Variants in HERC3 observed in about 807,000 individuals in gnomAD.
HERC3 encodes HECT and RLD domain containing E3 ubiquitin protein ligase 3, also known as probable E3 ubiquitin-protein ligase HERC3.
Under a neutral mutation model 129.9 loss-of-function variants are expected in HERC3, and 58 were observed. The observed-to-expected ratio is 0.45, with a 90% CI of 0.36 to 0.56. The LOEUF is 0.56. Among genes scored for constraint, HERC3 ranks in the 20% least tolerant of loss-of-function variants. The pLI, the probability that HERC3 is intolerant of heterozygous loss-of-function variation, is 0.00. For synonymous variants in HERC3, 430 were observed against 451.0 expected, an observed-to-expected ratio of 0.95 and a Z score of 0.59; for missense variants, 835 against 1,244.2, an observed-to-expected ratio of 0.67 and a Z score of 4.95.
At chr4:88,677,574 A>G (rs1732303432) in intron 18 of HERC3, among the ~76,000 whole-genome samples, 1 of 152,064 alleles carries the variant, frequency 6.6e-6, no homozygotes, top group African/African-American at 2.4e-5. Context: ...AGAAATGAAC[A>G]TTTTTCAAAG....
At chr4:88,679,136 C>A (rs1560754159) in intron 19 of HERC3, among the ~76,000 whole-genome samples, 1 of 152,160 alleles carries the variant, frequency 6.6e-6, no homozygotes, top group Non-Finnish European at 1.5e-5. Context: ...GATAATAGTA[C>A]CCTATGCATA....
chr4:88,701,639 G>A lies in HERC3; in HGVS notation c.2658-2459G>A, dbSNP rs28406134. Among the ~76,000 whole-genome samples the A allele has an allele frequency of 9.5e-3, 1,442 of 151,810 alleles. 20 individuals carry two copies. The highest frequency in any genetic ancestry group is 0.034 in the African/African-American group (1,392 of 41,342). On this transcript the variant is annotated intron_variant, in intron 23 of 25. Transcript: ENST00000402738. The stretch of plus-strand genomic sequence containing the variant: ...ATAAAAGAAAAAAATTACTGATACC[G>A]CTGTACATACCCTTAATTCCAAATT...
intron 10 of HERC3, among the ~76,000 whole-genome samples, chr4:88,658,877 T>A (rs531011858): frequency 6.6e-6 from 1 of 152,346 alleles, no homozygotes; most frequent in African/African-American, 2.4e-5. Context: ...CTTTGTTTGA[T>A]GTGATTGAGT....
chr4:88,689,912 G>A, intron 23 of HERC3: 1 of 764,988 alleles, frequency 1.3e-6, no homozygotes, highest in Non-Finnish European at 1.6e-6. Context: ...CTCGAAGCTA[G>A]TATGATCTCA....
Position 88,609,851 on chromosome 4 carries a change from A to G in HERC3, c.226+3802A>G, listed in dbSNP as rs143700258. ...AGGAATGAAAGAATGGCTACTCCAT[A>G]GACAGAGCCCTGAAGTCTGCTGATT... On this transcript the variant is annotated intron_variant, in intron 3 of 25. Coordinates refer to ENST00000402738, the MANE Select transcript of HERC3 (RefSeq NM_014606.3). Among the ~76,000 whole-genome samples the G allele has an allele frequency of 2.5e-3, 377 of 152,360 alleles. 1 individual carries two copies. Among genetic ancestry groups the G allele is most frequent in the African/African-American group, 8.0e-3 (331 of 41,592 alleles).
chr4:88,692,617 C>G (rs1400457760), intron 23 of HERC3, among the ~76,000 whole-genome samples: 3 of 152,160 alleles, frequency 2.0e-5, no homozygotes, highest in Non-Finnish European at 4.4e-5. Context: ...ACAGGAACTG[C>G]AGAATTAAAA....
the HERC3 span, among the ~76,000 whole-genome samples, chr4:88,548,355 T>A: frequency 6.6e-6 from 1 of 152,164 alleles, no homozygotes; most frequent in African/African-American, 2.4e-5. Flanking sequence ...TTTTGCAAGG[T>A]CTTGTTATTA....
intron 23 of HERC3, chr4:88,696,846 T>C (rs1374162741): frequency 1.9e-5 from 4 of 206,044 alleles, no homozygotes; most frequent in African/African-American, 2.3e-5. Flanking sequence ...GGGTGTTCCA[T>C]GTGTAGCGTA....
At chr4:88,570,932 A>AT in the HERC3 span, among the ~76,000 whole-genome samples, 11 of 142,082 alleles carry the variant, frequency 7.7e-5, no homozygotes, top group African/African-American at 3.0e-4. Context: ...TTTTTTTTGT[A>AT]TTTTTTTAGT....
At chr4:88,668,406 C>T (rs1173248813) in intron 14 of HERC3, 3 of 273,214 alleles carry the variant, frequency 1.1e-5, no homozygotes, top group Admixed American at 1.1e-4. Flanking sequence ...GTTGGTCTTT[C>T]TCCTATGTCT....
At chr4:88,679,610 C>T (rs1309729663) in intron 19 of HERC3, among the ~76,000 whole-genome samples, 1 of 151,520 alleles carries the variant, frequency 6.6e-6, no homozygotes, top group Admixed American at 6.6e-5. Context: ...ACCTCTGCCT[C>T]CCACATTCAA....
intron 2 of HERC3, among the ~76,000 whole-genome samples, chr4:88,605,414 A>G (rs1322627344): frequency 6.6e-6 from 1 of 152,238 alleles, no homozygotes; most frequent in Non-Finnish European, 1.5e-5. Flanking sequence ...GGAATGATGC[A>G]TTGAGAAAGG....
Position 88,684,623 on chromosome 4 carries a change from C to T in HERC3, c.2508-2113C>T, listed in dbSNP as rs533184054. On this transcript the variant is annotated intron_variant, in intron 21 of 25. Coordinates refer to ENST00000402738, the MANE Select transcript of HERC3 (RefSeq NM_014606.3). ...GCAACAAAAGCCAAAATTGACAAATCGGATCTAATCGAACTAAAGAGCTTC... is the reference window on the plus strand; with the variant it reads ...GCAACAAAAGCCAAAATTGACAAATTGGATCTAATCGAACTAAAGAGCTTC... Among the ~76,000 whole-genome samples, 7 of 152,176 alleles carry T rather than the reference C, an allele frequency of 4.6e-5. No individual in the cohort carries two copies. The South Asian group carries it at 6.2e-4, about 14-fold the overall frequency.
intron 11 of HERC3, among the ~76,000 whole-genome samples, chr4:88,663,147 A>G (rs1287944442): frequency 6.6e-6 from 1 of 152,188 alleles, no homozygotes; most frequent in African/African-American, 2.4e-5. Flanking sequence ...GGAAGAATAA[A>G]TCAAGCTCTG....
At chr4:88,694,115 CA>C (rs1734351883) in intron 23 of HERC3, among the ~76,000 whole-genome samples, 1 of 152,146 alleles carries the variant, frequency 6.6e-6, no homozygotes, top group South Asian at 2.1e-4. Context: ...TTATCATAAA[CA>C]AAAGAAAGAT....
intron 2 of HERC3, among the ~76,000 whole-genome samples, chr4:88,598,647 A>G (rs1224808904): frequency 2.0e-5 from 3 of 152,280 alleles, no homozygotes; most frequent in Non-Finnish European, 4.4e-5. Context: ...CCCTTTTTAC[A>G]TGCATTTTCT....
At chr4:88,556,069 C>G in the HERC3 span, among the ~76,000 whole-genome samples, 1 of 152,278 alleles carries the variant, frequency 6.6e-6, no homozygotes, top group African/African-American at 2.4e-5. Context: ...ACAAAGGACT[C>G]ACATTTATTT....
chr4:88,692,827 C>T (rs868508804), intron 23 of HERC3: 1 of 903,134 alleles, frequency 1.1e-6, no homozygotes, highest in African/African-American at 1.8e-5. Flanking sequence ...AGACTGCGCT[C>T]CATGGGTACC....
intron 23 of HERC3, among the ~76,000 whole-genome samples, chr4:88,700,423 GGCTGCTA>G (rs1560783598): frequency 6.6e-6 from 1 of 152,138 alleles, no homozygotes; most frequent in Non-Finnish European, 1.5e-5. Context: ...GAAGACCGGA[GGCTGCTA>G]GCTAAAAGGT....
Sources: gnomAD v4.1 joint callset for allele counts (sites outside exome capture counted in the v4.1 genomes callset) on GRCh38, gnomAD v4.1.1 for gene constraint, MANE v1.5 for transcripts, NCBI Gene and HGNC (gene_info 2026-07-23, HGNC 2026-07-21) for gene names.